NBAS: variants seen among roughly 807,000 people sequenced by gnomAD.
NBAS encodes NAG/BC035112 fusion.
In NBAS, 219 loss-of-function variants were observed where a neutral mutation model predicts 302.5. The ratio of observed to expected loss-of-function variants is 0.72; its 90% CI spans 0.65 to 0.81. The LOEUF (loss-of-function observed/expected upper bound fraction) is 0.81. Ranked by LOEUF, NBAS falls within the 30% of genes least tolerant of loss-of-function variation. The pLI is 0.00. For missense variants in NBAS, 2,932 were observed against 2,841.6 expected, an observed-to-expected ratio of 1.03 and a Z score of -0.72; for synonymous variants, 1,118 against 1,021.6, an observed-to-expected ratio of 1.09 and a Z score of -1.80.
intron 49 of NBAS, 136 bp from the exon 50 acceptor site, chr2:15,187,016 T>A: frequency 7.7e-7 from 1 of 1,299,052 alleles, no homozygotes. Flanking sequence ...CAAGTCAACC[T>A]TGTAGAAAAG....
chr2:15,304,776 G>T (rs757186915), intron 40 of NBAS, among the ~76,000 whole-genome samples: 42 of 152,172 alleles, frequency 2.8e-4, no homozygotes, highest in African/African-American at 9.9e-4. Context: ...ATGATTTAGG[G>T]TTTCTGGTGG....
At chr2:15,204,024 G>C (rs1666021302) in intron 48 of NBAS, among the ~76,000 whole-genome samples, 1 of 151,992 alleles carries the variant, frequency 6.6e-6, no homozygotes, top group Non-Finnish European at 1.5e-5. Flanking sequence ...CACTTTGGGA[G>C]GTTGGGGCAG....
the NBAS span, among the ~76,000 whole-genome samples, chr2:14,950,078 T>C: frequency 2.6e-5 from 4 of 152,174 alleles, no homozygotes; most frequent in Non-Finnish European, 5.9e-5. Context: ...GTAAGTTCTT[T>C]AGTGGTGATT....
rs200425313 is a variant in NBAS, at chr2:15,452,247, AT to A, written c.2339+8953del. Among the ~76,000 whole-genome samples the A allele has an allele frequency of 4.7e-3, 722 of 152,294 alleles. 8 individuals are homozygous for A. Among genetic ancestry groups the A allele is most frequent in the African/African-American group, 0.016 (671 of 41,564 alleles). Reference sequence around the variant, plus strand: ...CACTTAAAAATAGTTAAGATGGCAAATTTTATGTTAGGTGTATTTTACAATT... The same window carrying A: ...CACTTAAAAATAGTTAAGATGGCAAATTTATGTTAGGTGTATTTTACAATT... On this transcript the variant is annotated intron_variant, in intron 21 of 51. Transcript: ENST00000281513.
At chr2:15,350,177 C>T (rs1018535786) in intron 35 of NBAS, among the ~76,000 whole-genome samples, 19 of 152,122 alleles carry the variant, frequency 1.2e-4, no homozygotes, top group Non-Finnish European at 2.5e-4. Context: ...TATCTTTGCC[C>T]TAATTCCACC....
At chr2:15,264,673 G>C (rs1365570274) in intron 44 of NBAS, among the ~76,000 whole-genome samples, 2 of 152,144 alleles carry the variant, frequency 1.3e-5, no homozygotes, top group Admixed American at 6.6e-5. Flanking sequence ...GTCAATTCTA[G>C]CTCATAAAAC....
chr2:15,557,234 T>C (rs1664686157), intron 2 of NBAS, among the ~76,000 whole-genome samples: 1 of 152,108 alleles, frequency 6.6e-6, no homozygotes, highest in Non-Finnish European at 1.5e-5. Flanking sequence ...CAGTAATACC[T>C]AAAATGGGAA....
chr2:15,272,224 T>C (rs1024215442), intron 44 of NBAS, among the ~76,000 whole-genome samples: 1 of 152,234 alleles, frequency 6.6e-6, no homozygotes. Context: ...CTTATTGTTC[T>C]TGTTATGCAC....
chr2:15,331,564 T>C (rs1460113798), intron 35 of NBAS, among the ~76,000 whole-genome samples: 1 of 152,194 alleles, frequency 6.6e-6, no homozygotes, highest in Non-Finnish European at 1.5e-5. Flanking sequence ...TACCAATAGC[T>C]TGTTGTGATC....
In NBAS at chr2:15,351,986, A is replaced by C; in HGVS notation, c.4179+6T>G. 1 of 1,600,986 alleles carries C rather than the reference A, an allele frequency of 6.2e-7. No homozygotes were observed. Among genetic ancestry groups the C allele is most frequent in the Non-Finnish European group, 8.6e-7 (1 of 1,168,442 alleles). On this transcript the variant is annotated splice_donor_region_variant and intron_variant, in intron 35 of 51. Transcript: ENST00000281513. Reference sequence around the variant, plus strand: ...TTTCAAACTCCGCTCCCTCATTTTAACTTACCTCTTGTACTGCTTTACTAG... The same window carrying C: ...TTTCAAACTCCGCTCCCTCATTTTACCTTACCTCTTGTACTGCTTTACTAG...
At chr2:14,784,800 A>G in the NBAS span, among the ~76,000 whole-genome samples, 152 of 152,224 alleles carry the variant, frequency 1.0e-3, 1 homozygote, top group Middle Eastern at 3.4e-3. Flanking sequence ...TTGGCGATGC[A>G]GGCTCTTTTT....
chr2:15,419,738 G>A (rs1306327190), intron 23 of NBAS, among the ~76,000 whole-genome samples: 2 of 151,826 alleles, frequency 1.3e-5, no homozygotes, highest in Admixed American at 1.3e-4. Flanking sequence ...TTGAGACCGA[G>A]TCTCACTCTG....
Position 15,330,636 on chromosome 2 carries a change from A to G in NBAS, c.4309T>C (p.Trp1437Arg), listed in dbSNP as rs2148233147. ...AVLQAVSDGQWWKKSLTYLRP... is the reference protein window; with the variant it reads ...AVLQAVSDGQRWKKSLTYLRP... ...AGGTAAGTTAAAGACTTCTTCCACC[A>G]CTGCCCATCACTGACGGCCTGCAGC... The change falls in exon 36 of 52, where the codon TGG (tryptophan) becomes CGG (arginine). Residue 1437 changes from tryptophan to arginine, a missense_variant. Transcript: ENST00000281513. 2.5e-6 allele frequency: 4 copies of G among 1,614,040 alleles called. No individual in the cohort carries two copies. The highest frequency in any genetic ancestry group is 3.4e-6 in the Non-Finnish European group (4 of 1,179,934).
the NBAS span, among the ~76,000 whole-genome samples, chr2:14,958,517 C>T: frequency 5.3e-5 from 8 of 152,064 alleles, no homozygotes; most frequent in Non-Finnish European, 1.0e-4. Flanking sequence ...AGCAAATGCG[C>T]TACTCAGTTA....
the NBAS span, among the ~76,000 whole-genome samples, chr2:15,063,544 A>T: frequency 6.6e-6 from 1 of 152,092 alleles, no homozygotes; most frequent in Admixed American, 6.5e-5. Flanking sequence ...CTTTCCCAAA[A>T]TTCATATGTT....
chr2:15,309,351 T>C (rs1671176568), intron 38 of NBAS, 104 bp from the exon 39 acceptor site: 24 of 925,726 alleles, frequency 2.6e-5, no homozygotes, highest in Non-Finnish European at 3.8e-5. Context: ...AAATAATTAG[T>C]GGCAGAGACC....
At chr2:14,998,575 G>A in the NBAS span, among the ~76,000 whole-genome samples, 1 of 152,176 alleles carries the variant, frequency 6.6e-6, no homozygotes, top group Non-Finnish European at 1.5e-5. Context: ...GTACAAATTG[G>A]GGGAAACAGT....
At chr2:15,441,844 A>C (rs951967199) in intron 21 of NBAS, among the ~76,000 whole-genome samples, 246 of 152,092 alleles carry the variant, frequency 1.6e-3, no homozygotes, top group African/African-American at 5.6e-3. Flanking sequence ...AAAAAAAGGC[A>C]GGGGTTGCAA....
the NBAS span, among the ~76,000 whole-genome samples, chr2:14,839,282 C>A: frequency 7.2e-3 from 1,091 of 151,936 alleles, 12 homozygotes; most frequent in African/African-American, 0.025. Flanking sequence ...TGGCACCAAG[C>A]ACATGCAAAA....
Sources: gnomAD v4.1 joint callset for allele counts (sites outside exome capture counted in the v4.1 genomes callset) on GRCh38, gnomAD v4.1.1 for gene constraint, MANE v1.5 for transcripts, NCBI Gene and HGNC (gene_info 2026-07-23, HGNC 2026-07-21) for gene names.